Variants in TDRP observed in about 807,000 individuals in gnomAD.
TDRP encodes testis development related protein, also known as testis development-related protein.
TDRP carries 12 observed loss-of-function variants against 10.5 expected under a neutral mutation model. The observed-to-expected ratio is 1.15, with a 90% confidence interval of 0.73 to 1.86. The LOEUF is 1.86. TDRP is among the 40% of genes most tolerant of loss of function. The pLI is 0.00. For missense variants in TDRP, 353 were observed against 229.2 expected (o/e 1.54, Z -3.49); for synonymous variants, 139 against 95.4 (o/e 1.46, Z -2.67).
intron 1 of TDRP, among the ~76,000 whole-genome samples, chr8:537,281 T>C (rs930827491): frequency 1.3e-5 from 2 of 152,198 alleles, no homozygotes; most frequent in African/African-American, 4.8e-5. Context: ...GATGTCCGAA[T>C]GCCTGTCGCA....
intron 1 of TDRP, among the ~76,000 whole-genome samples, chr8:538,202 G>A (rs1337487939): frequency 2.0e-5 from 3 of 152,210 alleles, no homozygotes; most frequent in Non-Finnish European, 4.4e-5. Flanking sequence ...AAGTGACCAA[G>A]AGAAGACTTC....
At chr8:533,951 C>T (rs912541452) in intron 1 of TDRP, among the ~76,000 whole-genome samples, 1 of 152,114 alleles carries the variant, frequency 6.6e-6, no homozygotes, top group Non-Finnish European at 1.5e-5. Context: ...TAAAAGTACA[C>T]TGTCATGTTT....
Position 511,741 on chromosome 8 carries a change from C to G in TDRP, c.109-17144G>C, listed in dbSNP as rs138526284. 1.3e-3 allele frequency among the ~76,000 whole-genome samples: 191 copies of G among 152,260 alleles called. 1 individual carries two copies. The highest frequency in any genetic ancestry group is 4.4e-3 in the African/African-American group (183 of 41,568). On this transcript the variant is annotated intron_variant, in intron 1 of 2. Transcript: ENST00000324079. ...TTAACAGGATAAAACTATTCAAAGT[C>G]CTTTCTTTGACCATAATGGAATGAA...
At chr8:544,352 G>C (rs1365323833) in intron 1 of TDRP, among the ~76,000 whole-genome samples, 1 of 152,006 alleles carries the variant, frequency 6.6e-6, no homozygotes, top group Non-Finnish European at 1.5e-5. Context: ...ACACGTGCAG[G>C]GGGCACTGGG....
intron 1 of TDRP, among the ~76,000 whole-genome samples, chr8:520,101 T>C (rs993499170): frequency 1.2e-4 from 18 of 152,188 alleles, no homozygotes; most frequent in Admixed American, 1.2e-3. Context: ...TATCCTGTGG[T>C]TGGGGAGAAA....
At chr8:523,274 T>G (rs1801952993) in intron 1 of TDRP, among the ~76,000 whole-genome samples, 1 of 152,236 alleles carries the variant, frequency 6.6e-6, no homozygotes, top group African/African-American at 2.4e-5. Flanking sequence ...CATATAAATG[T>G]ATTACTTTAT....
rs778802408 is a variant in TDRP at position 490,515 on chromosome 8, T to C, written c.*1884A>G. The C allele has an allele frequency of 6.6e-5, 10 of 152,154 alleles. No individual in the cohort carries two copies. The highest frequency in any genetic ancestry group is 1.0e-4 in the Non-Finnish European group (7 of 68,024). 9.4% of individuals were successfully genotyped at this position (152,154 alleles called of 1,614,324 possible). Reference sequence around the variant, plus strand: ...CGTCCCCATCTCCCCACACACGTGATTTCCAGAGTTTCAAACACAGTGTTT... The same window carrying C: ...CGTCCCCATCTCCCCACACACGTGACTTCCAGAGTTTCAAACACAGTGTTT... On this transcript the variant is annotated 3_prime_UTR_variant, in exon 3 of 3. Coordinates refer to ENST00000324079, the MANE Select transcript of TDRP (RefSeq NM_001384899.1).
chr8:502,290 G>C (rs1025458844), intron 1 of TDRP, among the ~76,000 whole-genome samples: 2 of 152,224 alleles, frequency 1.3e-5, no homozygotes, highest in African/African-American at 4.8e-5. Flanking sequence ...ATTGGTTGAT[G>C]AACCCAGTCC....
chr8:512,963 T>C (rs1468998441), intron 1 of TDRP, among the ~76,000 whole-genome samples: 2 of 70,698 alleles, frequency 2.8e-5, no homozygotes, highest in Non-Finnish European at 5.2e-5. Context: ...CAGAGCAAGA[T>C]TTCACCTCAA....
At chr8:507,438 C>T (rs189666238) in intron 1 of TDRP, among the ~76,000 whole-genome samples, 12 of 152,290 alleles carry the variant, frequency 7.9e-5, no homozygotes, top group African/African-American at 2.2e-4. Context: ...ACAGAAGCCA[C>T]AATTTGACTG....
At chr8:540,079 G>A (rs1019122261) in intron 1 of TDRP, among the ~76,000 whole-genome samples, 1 of 152,180 alleles carries the variant, frequency 6.6e-6, no homozygotes, top group Non-Finnish European at 1.5e-5. Context: ...CTTCTACACT[G>A]TCCATGTCAG....
intron 1 of TDRP, among the ~76,000 whole-genome samples, chr8:503,718 C>A (rs1334144090): frequency 6.8e-6 from 1 of 147,302 alleles, no homozygotes; most frequent in African/African-American, 2.5e-5. Flanking sequence ...GCATGGAATC[C>A]AGAGCTACAC....
At chr8:494,058 G>A (rs1432574492) in intron 2 of TDRP, among the ~76,000 whole-genome samples, 1 of 133,430 alleles carries the variant, frequency 7.5e-6, no homozygotes, top group African/African-American at 2.9e-5. Context: ...ACAGGTTCAA[G>A]CAATTCTCCT....
intron 1 of TDRP, among the ~76,000 whole-genome samples, chr8:522,701 C>T (rs560475934): frequency 2.0e-5 from 3 of 152,292 alleles, no homozygotes; most frequent in Non-Finnish European, 2.9e-5. Flanking sequence ...CCGACTGACT[C>T]GGTGCACCTA....
intron 1 of TDRP, among the ~76,000 whole-genome samples, chr8:515,940 T>G (rs1017925811): frequency 1.2e-4 from 19 of 152,064 alleles, no homozygotes; most frequent in Non-Finnish European, 1.6e-4. Flanking sequence ...ATGGCTTTAT[T>G]ACAGTTAGAC....
intron 1 of TDRP, among the ~76,000 whole-genome samples, chr8:525,596 T>C (rs1185468559): frequency 6.6e-6 from 1 of 152,218 alleles, no homozygotes; most frequent in Non-Finnish European, 1.5e-5. Context: ...GCTCGTTTTT[T>C]AATGCAATAA....
At chr8:506,380 C>G (rs953267774) in intron 1 of TDRP, among the ~76,000 whole-genome samples, 3 of 152,180 alleles carry the variant, frequency 2.0e-5, no homozygotes, top group African/African-American at 7.2e-5. Flanking sequence ...CCCTCTCACT[C>G]CAGCTCCAAG....
intron 1 of TDRP, among the ~76,000 whole-genome samples, chr8:500,506 G>C (rs561470801): frequency 3.3e-5 from 5 of 152,140 alleles, no homozygotes; most frequent in Non-Finnish European, 7.3e-5. Context: ...AATCAGAAAA[G>C]AGATCCTCAT....
chr8:505,112 C>T (rs1336678472), intron 1 of TDRP, among the ~76,000 whole-genome samples: 1 of 152,112 alleles, frequency 6.6e-6, no homozygotes, highest in African/African-American at 2.4e-5. Flanking sequence ...CATTAATTAC[C>T]ACATTTGGAA....
Sources: gnomAD v4.1 joint callset for allele counts (sites outside exome capture counted in the v4.1 genomes callset) on GRCh38, gnomAD v4.1.1 for gene constraint, MANE v1.5 for transcripts, NCBI Gene and HGNC (gene_info 2026-07-23, HGNC 2026-07-21) for gene names.